GBE1: variants seen among roughly 807,000 people sequenced by gnomAD.
The protein encoded by GBE1 is 1,4-alpha-glucan branching enzyme 1.
Under a neutral mutation model 88.8 loss-of-function variants are expected in GBE1, and 70 were observed. The observed-to-expected ratio is 0.79, with a 90% CI of 0.65 to 0.96. The LOEUF is 0.96. Ranked by LOEUF, GBE1 falls within the 40% of genes least tolerant of loss-of-function variation. GBE1 has a pLI of 0.00. For synonymous variants in GBE1, 284 were observed against 300.1 expected, an observed-to-expected ratio of 0.95 and a Z score of 0.56; for missense variants, 872 against 871.0, an observed-to-expected ratio of 1.00 and a Z score of -0.01.
At chr3:81,570,475 AG>A (rs1703559251) in intron 12 of GBE1, among the ~76,000 whole-genome samples, 1 of 152,246 alleles carries the variant, frequency 6.6e-6, no homozygotes, top group Non-Finnish European at 1.5e-5. Context: ...GAGAAGATGA[AG>A]GTTGATGGAT....
chr3:81,562,853 AG>A lies in GBE1; in HGVS notation c.1618+15071del, dbSNP rs113733058. 8.5e-3 allele frequency among the ~76,000 whole-genome samples: 1,292 copies of A among 151,942 alleles called. 16 individuals carry two copies. Among genetic ancestry groups the A allele is most frequent in the African/African-American group, 0.029 (1,186 of 41,466 alleles). On this transcript the variant is annotated intron_variant, in intron 12 of 15. Transcript: ENST00000429644. Reference sequence around the variant, plus strand: ...TTTACTATTTTGAGACGGTATGTATAGGTCACTTTCATCTTTTTTTTTTTTA... The same window carrying A: ...TTTACTATTTTGAGACGGTATGTATAGTCACTTTCATCTTTTTTTTTTTTA...
intron 12 of GBE1, among the ~76,000 whole-genome samples, chr3:81,554,353 T>C (rs1403408797): frequency 6.6e-6 from 1 of 152,126 alleles, no homozygotes; most frequent in Non-Finnish European, 1.5e-5. Flanking sequence ...TTTTAAGCAG[T>C]AGAAAATAAG....
chr3:81,699,102 AAC>A (rs1705647630), intron 2 of GBE1, among the ~76,000 whole-genome samples: 2 of 152,330 alleles, frequency 1.3e-5, no homozygotes, highest in African/African-American at 4.8e-5. Flanking sequence ...TGCCAAAATA[AAC>A]AGTTTCTAGA....
At position 81,543,867 on chromosome 3, in the gene GBE1, T is replaced by C. The variant is rs144509274; in HGVS notation, c.1619-6772A>G. On this transcript the variant is annotated intron_variant, in intron 12 of 15. Coordinates refer to ENST00000429644, the MANE Select transcript of GBE1 (RefSeq NM_000158.4). ...AATCAGCATTTGAATTTAAGCAATA[T>C]GTATATTCCTAAATTATATATGAAT... Among the ~76,000 whole-genome samples the C allele has an allele frequency of 4.5e-4, 68 of 152,274 alleles. 1 individual carries two copies. The highest frequency in any genetic ancestry group is 1.3e-3 in the African/African-American group (56 of 41,578).
At chr3:81,557,412 C>G (rs1229407335) in intron 12 of GBE1, among the ~76,000 whole-genome samples, 1 of 151,292 alleles carries the variant, frequency 6.6e-6, no homozygotes, top group Non-Finnish European at 1.5e-5. Context: ...ACTAAAATGA[C>G]TCCCAGATTT....
At chr3:81,553,361 T>C (rs1163676103) in intron 12 of GBE1, among the ~76,000 whole-genome samples, 3 of 152,092 alleles carry the variant, frequency 2.0e-5, no homozygotes, top group Non-Finnish European at 4.4e-5. Context: ...AATGAAAGTA[T>C]TTAAATAGCA....
chr3:81,618,561 T>A (rs568042659), intron 7 of GBE1, among the ~76,000 whole-genome samples: 2 of 152,250 alleles, frequency 1.3e-5, no homozygotes, highest in Non-Finnish European at 2.9e-5. Context: ...AAACTTTGAA[T>A]AGCAGTGAGA....
At chr3:81,721,079 A>T (rs1453054791) in intron 1 of GBE1, among the ~76,000 whole-genome samples, 1 of 99,168 alleles carries the variant, frequency 1.0e-5, no homozygotes, top group Non-Finnish European at 1.9e-5. Context: ...GAGGGATAGC[A>T]TTGGGAGATA....
chr3:81,525,404 G>A (rs562279032), intron 14 of GBE1, among the ~76,000 whole-genome samples: 244 of 151,946 alleles, frequency 1.6e-3, no homozygotes, highest in African/African-American at 5.4e-3. Context: ...GTGGATAAGC[G>A]TTTTGATGTG....
At chr3:81,649,380 G>T (rs544342065) in intron 4 of GBE1, among the ~76,000 whole-genome samples, 2 of 151,862 alleles carry the variant, frequency 1.3e-5, no homozygotes, top group African/African-American at 4.8e-5. Flanking sequence ...CTAATATGGC[G>T]GTAAAAATTA....
chr3:81,507,675 T>C (rs1702672512), intron 14 of GBE1, among the ~76,000 whole-genome samples: 1 of 145,362 alleles, frequency 6.9e-6, no homozygotes, highest in Non-Finnish European at 1.5e-5. Flanking sequence ...TATGTGTGTG[T>C]GTATATATAT....
chr3:81,696,086 A>G (rs1175822919), intron 2 of GBE1, among the ~76,000 whole-genome samples: 2 of 152,164 alleles, frequency 1.3e-5, no homozygotes, highest in African/African-American at 4.8e-5. Flanking sequence ...TTTTTTCCTT[A>G]AAAGGAAATA....
chr3:81,662,520 G>A (rs1275994426), intron 3 of GBE1, among the ~76,000 whole-genome samples: 2 of 151,838 alleles, frequency 1.3e-5, no homozygotes, highest in Non-Finnish European at 2.9e-5. Context: ...CTATACTTGG[G>A]AATGCTGTCA....
At chr3:81,631,724 C>T (rs1704514256) in intron 7 of GBE1, among the ~76,000 whole-genome samples, 1 of 139,858 alleles carries the variant, frequency 7.2e-6, no homozygotes, top group Non-Finnish European at 1.5e-5. Context: ...TACAGCCTGG[C>T]AACAGAGCAA....
chr3:81,500,104 T>G (rs919771178), intron 14 of GBE1, among the ~76,000 whole-genome samples: 1 of 152,196 alleles, frequency 6.6e-6, no homozygotes, highest in Non-Finnish European at 1.5e-5. Context: ...AGCCATCATT[T>G]TCAACCCTTG....
intron 13 of GBE1, among the ~76,000 whole-genome samples, chr3:81,535,862 G>C (rs1394716580): frequency 2.0e-5 from 3 of 151,764 alleles, no homozygotes; most frequent in African/African-American, 7.3e-5. Context: ...TTAATAAAAA[G>C]ATAAGGTCTG....
At chr3:81,601,947 C>T (rs906799427) in intron 7 of GBE1, among the ~76,000 whole-genome samples, 8 of 152,176 alleles carry the variant, frequency 5.3e-5, no homozygotes, top group Non-Finnish European at 8.8e-5. Flanking sequence ...CAAAGTATCA[C>T]TTTGTGTGGA....
At chr3:81,713,298 A>G (rs1489866371) in intron 1 of GBE1, among the ~76,000 whole-genome samples, 1 of 152,200 alleles carries the variant, frequency 6.6e-6, no homozygotes, top group Non-Finnish European at 1.5e-5. Context: ...GCTGGAGAAA[A>G]GACAGAGAAG....
chr3:81,621,972 T>C (rs928939936), intron 7 of GBE1, among the ~76,000 whole-genome samples: 10 of 152,216 alleles, frequency 6.6e-5, no homozygotes, highest in African/African-American at 2.2e-4. Flanking sequence ...TTACATCAGA[T>C]AAATTGCCCC....
Sources: gnomAD v4.1 joint callset for allele counts (sites outside exome capture counted in the v4.1 genomes callset) on GRCh38, gnomAD v4.1.1 for gene constraint, MANE v1.5 for transcripts, NCBI Gene and HGNC (gene_info 2026-07-23, HGNC 2026-07-21) for gene names.